The following TMEM169 variants were observed in gnomAD, a reference collection of about 807,000 sequenced individuals.
The protein encoded by TMEM169 is transmembrane protein 169.
TMEM169 carries 18 observed loss-of-function variants against 27.3 expected under a neutral mutation model. That is an observed-to-expected ratio of 0.66 (90% CI 0.46 to 0.98). TMEM169 has a LOEUF of 0.98. Among genes scored for constraint, TMEM169 ranks in the 50% least tolerant of loss-of-function variants. The probability of loss-of-function intolerance (pLI) is 0.00; values close to 1 mark genes in which losing one functional copy is unlikely to be tolerated. For missense variants in TMEM169, 320 were observed against 368.6 expected (o/e 0.87, Z 1.08); for synonymous variants, 136 against 142.1 (o/e 0.96, Z 0.30).
chr2:216,093,127 TGTGTG>T (rs1444340095), intron 1 of TMEM169, among the ~76,000 whole-genome samples: 1 of 27,268 alleles, frequency 3.7e-5, no homozygotes, highest in African/African-American at 8.7e-5. Flanking sequence ...AATAATGAAG[TGTGTG>T]TGTGTGTGTG....
chr2:216,095,991 C>G lies in TMEM169; in HGVS notation c.28C>G (p.Gln10Glu). MEEPTAVEG[Q>E]VQLPSPHQGS... ...GGAAGAGCCAACAGCAGTAGAAGGC[C>G]AGGTCCAGCTTCCAAGCCCCCACCA... is the stretch of plus-strand genomic sequence containing the variant. The change falls in exon 2 of 3, where the codon CAG (glutamine) becomes GAG (glutamate). Residue 10 changes from glutamine (Q) to glutamate (E), a missense_variant. By Grantham distance (29) the Gln-to-Glu change is conservative. Coordinates refer to ENST00000437356, the MANE Select transcript of TMEM169 (RefSeq NM_001142311.2). 6.2e-7 allele frequency: 1 copy of G among 1,613,916 alleles called. No homozygotes were observed. The highest frequency in any genetic ancestry group is 8.5e-7 in the Non-Finnish European group (1 of 1,179,998).
chr2:216,092,146 C>G, intron 1 of TMEM169, among the ~76,000 whole-genome samples: 1 of 152,122 alleles, frequency 6.6e-6, no homozygotes, highest in East Asian at 1.9e-4. Context: ...CTTTTTGCCT[C>G]TGATAGGATT....
chr2:216,094,673 A>G (rs1350818827), intron 1 of TMEM169, among the ~76,000 whole-genome samples: 1 of 152,230 alleles, frequency 6.6e-6, no homozygotes, highest in East Asian at 1.9e-4. Flanking sequence ...CTCATAACAC[A>G]GAGTTCAGAG....
intron 1 of TMEM169, among the ~76,000 whole-genome samples, chr2:216,090,778 TTAC>T (rs1173403710): frequency 6.6e-6 from 1 of 152,226 alleles, no homozygotes; most frequent in Non-Finnish European, 1.5e-5. Flanking sequence ...TTTTAAACCT[TTAC>T]TTCTTGGGTA....
intron 1 of TMEM169, 90 bp downstream of exon 1, chr2:216,082,069 C>G (rs1296239295): frequency 1.3e-5 from 4 of 309,568 alleles, no homozygotes; most frequent in African/African-American, 9.3e-5. Context: ...AAGAAAGAAA[C>G]AAGCAGGGTG....
intron 1 of TMEM169, among the ~76,000 whole-genome samples, chr2:216,084,003 C>A (rs749947048): frequency 2.0e-5 from 3 of 152,134 alleles, no homozygotes; most frequent in Non-Finnish European, 2.9e-5. Flanking sequence ...CTGCACTGAC[C>A]ACTCCTTTGG....
At chr2:216,082,053 AAG>A (rs1491081372) in intron 1 of TMEM169, 74 bp downstream of exon 1, 32 of 339,138 alleles carry the variant, frequency 9.4e-5, no homozygotes, top group Middle Eastern at 1.7e-3. Flanking sequence ...AAAAAAAAAA[AAG>A]AAGAAGAAAG....
At position 216,101,460 on chromosome 2, in the gene TMEM169, A is replaced by G. The variant is rs1696392629; in HGVS notation, c.*918A>G. 6.6e-6 allele frequency: 1 copy of G among 152,170 alleles called. No individual in the cohort carries two copies. The allele number at this position is 152,170 out of a possible 1,614,324, so 9.4% of individuals were successfully genotyped here. A position where few individuals can be genotyped will look rare whatever the true frequency, so the allele number is the denominator to read the frequency against. On this transcript the variant is annotated 3_prime_UTR_variant, in exon 3 of 3. Coordinates refer to ENST00000437356, the MANE Select transcript of TMEM169 (RefSeq NM_001142311.2). Reference sequence around the variant, plus strand: ...TTGGCAAGAAAAAGGAAGAATGGTTATTTGGGTTTTGTTTTGTTTTGTTTT... The same window carrying G: ...TTGGCAAGAAAAAGGAAGAATGGTTGTTTGGGTTTTGTTTTGTTTTGTTTT...
intron 2 of TMEM169, among the ~76,000 whole-genome samples, chr2:216,096,774 A>G (rs1200195002): frequency 6.6e-6 from 1 of 152,228 alleles, no homozygotes; most frequent in East Asian, 1.9e-4. Flanking sequence ...AATGAAATGG[A>G]AGAGGCTGAT....
chr2:216,100,572 C>A lies in TMEM169; in HGVS notation c.*30C>A. ...CCAACAACTTACTCCCTCCTCTGGCCCCAGTAGCCTATATATCATCTTAAA... is the reference window on the plus strand; with the variant it reads ...CCAACAACTTACTCCCTCCTCTGGCACCAGTAGCCTATATATCATCTTAAA... On this transcript the variant is annotated 3_prime_UTR_variant, in exon 3 of 3. Transcript: ENST00000437356. 3.1e-6 allele frequency: 5 copies of A among 1,613,206 alleles called. No individual in the cohort carries two copies. Among genetic ancestry groups the A allele is most frequent in the Non-Finnish European group, 2.5e-6 (3 of 1,179,840 alleles).
At chr2:216,088,381 G>A (rs1696055303) in intron 1 of TMEM169, among the ~76,000 whole-genome samples, 1 of 152,112 alleles carries the variant, frequency 6.6e-6, no homozygotes, top group African/African-American at 2.4e-5. Flanking sequence ...GGAGAATGGC[G>A]TGAACCCGGG....
intron 1 of TMEM169, among the ~76,000 whole-genome samples, chr2:216,084,242 G>T (rs1297704527): frequency 6.7e-6 from 1 of 148,272 alleles, no homozygotes; most frequent in Non-Finnish European, 1.5e-5. Flanking sequence ...CAGACTGACA[G>T]GGGCTTGTGG....
chr2:216,098,888 G>A (rs1423398281), intron 2 of TMEM169, among the ~76,000 whole-genome samples: 1 of 151,512 alleles, frequency 6.6e-6, no homozygotes, highest in Non-Finnish European at 1.5e-5. Context: ...TGTGTGCGTG[G>A]TATGTATGTG....
rs1018297933 is a variant in TMEM169, at chr2:216,102,188, C to T, written c.*1646C>T. ...GTTTCCTCCAACAGCGATCAGTAGCCCTAAGTACAAAGAAGCCAGATTTAG... is the reference window on the plus strand; with the variant it reads ...GTTTCCTCCAACAGCGATCAGTAGCTCTAAGTACAAAGAAGCCAGATTTAG... On this transcript the variant is annotated 3_prime_UTR_variant, in exon 3 of 3. Transcript: ENST00000437356. 1 of 152,018 alleles carries T rather than the reference C, an allele frequency of 6.6e-6. No individual in the cohort carries two copies. The highest frequency in any genetic ancestry group is 1.5e-5 in the Non-Finnish European group (1 of 67,994). 9.4% of individuals were successfully genotyped at this position (152,018 alleles called of 1,614,324 possible). A position where few individuals can be genotyped will look rare whatever the true frequency, so the allele number is the denominator to read the frequency against.
intron 1 of TMEM169, among the ~76,000 whole-genome samples, chr2:216,084,246 C>T (rs1695946469): frequency 6.8e-6 from 1 of 147,214 alleles, no homozygotes; most frequent in South Asian, 2.3e-4. Flanking sequence ...CTGACAGGGG[C>T]TTGTGGGATT....
chr2:216,081,938 T>G lies in TMEM169; in HGVS notation c.-168T>G. 39 of 554,818 alleles carry G rather than the reference T, an allele frequency of 7.0e-5. No individual in the cohort carries two copies. The highest frequency in any genetic ancestry group is 2.4e-4 in the East Asian group (7 of 29,346). 34.4% of individuals were successfully genotyped at this position (554,818 alleles called of 1,614,324 possible). ...CGGAGCAGAACCGCTCCCCGCCGGC[T>G]GTCCGCAACCTCCGCCAGCGTCGGT... On this transcript the variant is annotated 5_prime_UTR_variant, in exon 1 of 3. Coordinates refer to ENST00000437356, the MANE Select transcript of TMEM169 (RefSeq NM_001142311.2).
chr2:216,097,996 G>T (rs955048715), intron 2 of TMEM169, among the ~76,000 whole-genome samples: 20 of 152,146 alleles, frequency 1.3e-4, no homozygotes, highest in Admixed American at 7.2e-4. Flanking sequence ...AGCAGCTTTG[G>T]CCCATTTATG....
chr2:216,098,983 GTA>G (rs1163198942), intron 2 of TMEM169, among the ~76,000 whole-genome samples: 1 of 146,098 alleles, frequency 6.8e-6, no homozygotes, highest in African/African-American at 2.6e-5. Context: ...ATGTGGGTGG[GTA>G]TGTGTAGTGT....
chr2:216,088,390 G>T (rs534995758), intron 1 of TMEM169, among the ~76,000 whole-genome samples: 36 of 152,380 alleles, frequency 2.4e-4, no homozygotes, highest in Admixed American at 6.5e-4. Flanking sequence ...CGTGAACCCG[G>T]GAGGCGGAGC....
Sources: allele counts gnomAD v4.1 joint callset (sites outside exome capture counted in the v4.1 genomes callset), GRCh38; gene constraint gnomAD v4.1.1; transcripts MANE v1.5; gene names NCBI Gene and HGNC (gene_info 2026-07-23, HGNC 2026-07-21).